The following SCN7A variants were observed in gnomAD, a reference collection of about 807,000 sequenced individuals.
SCN7A encodes the protein sodium channel protein type 7 subunit alpha.
SCN7A carries 138 observed loss-of-function variants against 155.2 expected under a neutral mutation model. The ratio of observed to expected loss-of-function variants is 0.89; its 90% CI spans 0.77 to 1.02. The LOEUF is 1.02. SCN7A is among the 50% of genes least tolerant of loss of function. The pLI is 0.00. For missense variants in SCN7A, 2,058 were observed against 1,986.6 expected (o/e 1.04, Z -0.68); for synonymous variants, 693 against 649.0 (o/e 1.07, Z -1.03).
intron 3 of SCN7A, among the ~76,000 whole-genome samples, chr2:166,475,495 T>C (rs13016836): frequency 0.13 from 19,332 of 151,508 alleles, 1,351 homozygotes; most frequent in Middle Eastern, 0.16. Context: ...TAATTCTTAA[T>C]AAAATAATAT....
At chr2:166,436,346 C>A in intron 15 of SCN7A, 1 of 409,706 alleles carries the variant, frequency 2.4e-6, no homozygotes, top group Non-Finnish European at 4.9e-6. Context: ...GCTTACCCCA[C>A]CTTCACTCTG....
intron 10 of SCN7A, among the ~76,000 whole-genome samples, chr2:166,459,343 CT>C (rs1702352390): frequency 6.6e-6 from 1 of 151,934 alleles, no homozygotes; most frequent in African/African-American, 2.4e-5. Context: ...ACTATGGCCC[CT>C]ATTTCAATGT....
At chr2:166,471,726 G>T (rs76198396) in intron 6 of SCN7A, among the ~76,000 whole-genome samples, 5 of 19,720 alleles carry the variant, frequency 2.5e-4, no homozygotes, top group Admixed American at 1.3e-3. Context: ...CAGAAAATGT[G>T]GGGGGGGGGG....
At chr2:166,452,546 C>A (rs1426264720) in intron 11 of SCN7A, among the ~76,000 whole-genome samples, 1 of 152,086 alleles carries the variant, frequency 6.6e-6, no homozygotes, top group African/African-American at 2.4e-5. Context: ...AATTGTCAAT[C>A]ATTTTTTAAT....
intron 7 of SCN7A, among the ~76,000 whole-genome samples, chr2:166,466,495 C>T (rs1702536709): frequency 6.6e-6 from 1 of 152,016 alleles, no homozygotes. Flanking sequence ...TATCAGAATA[C>T]TAATAGAGAA....
intron 18 of SCN7A, among the ~76,000 whole-genome samples, chr2:166,427,239 C>G (rs1292547341): frequency 6.6e-6 from 1 of 151,992 alleles, no homozygotes; most frequent in Non-Finnish European, 1.5e-5. Flanking sequence ...GCTATTATTA[C>G]AAAACATTCT....
intron 6 of SCN7A, 91 bp downstream of exon 6, chr2:166,472,226 G>A (rs1213794454): frequency 2.3e-6 from 3 of 1,317,482 alleles, no homozygotes; most frequent in Admixed American, 5.5e-5. Flanking sequence ...ACTATCTGCA[G>A]GCCAAAATCT....
At chr2:166,410,003 A>G (rs1701164880) in intron 24 of SCN7A, 68 bp from the exon 25 acceptor site, 1 of 1,366,612 alleles carries the variant, frequency 7.3e-7, no homozygotes, top group Non-Finnish European at 9.8e-7. Flanking sequence ...ATGGTCTTTT[A>G]TACACTACAA....
chr2:166,432,219 G>T, intron 16 of SCN7A, 99 bp downstream of exon 16: 1 of 842,918 alleles, frequency 1.2e-6, no homozygotes, highest in Non-Finnish European at 1.8e-6. Context: ...AGTTAGAATT[G>T]AGTGGATAAT....
rs1553513821 is a variant in SCN7A, at chr2:166,414,311, TAC to T, written c.3415-1192_3415-1191del. Among the ~76,000 whole-genome samples, 6 of 78,868 alleles carry T rather than the reference TAC, an allele frequency of 7.6e-5. No individual in the cohort carries two copies. In the East Asian group the frequency reaches 1.7e-3, roughly 23 times the overall value. The allele number at this position is 78,868 out of a possible 152,430, so 51.7% of individuals were successfully genotyped here. A position where few individuals can be genotyped will look rare whatever the true frequency, so the allele number is the denominator to read the frequency against. ...ACACACACATATATATATATATATA[TAC>T]ACATATATATATATATATGAAGGAA... On this transcript the variant is annotated intron_variant, in intron 21 of 25. Coordinates refer to ENST00000643258, the MANE Select transcript of SCN7A (RefSeq NM_002976.4).
At chr2:166,484,355 C>T (rs1035948941) in intron 2 of SCN7A, among the ~76,000 whole-genome samples, 1 of 151,558 alleles carries the variant, frequency 6.6e-6, no homozygotes, top group Admixed American at 6.6e-5. Flanking sequence ...TGTATGTGTA[C>T]ATGTTTTATA....
Position 166,477,545 on chromosome 2 carries a change from G to A in SCN7A, c.152C>T (p.Pro51Leu). ...TPDLEVGKKL[P>L]FIYGNLSQGM... ...TTGAGAAAGGTTTCCATAAATAAAT[G>A]GAAGCTTTTTGCCAACTTCCAAATC... The change falls in exon 3 of 26, where the codon CCA (proline) becomes CTA (leucine). Residue 51 changes from proline to leucine, a missense_variant. Physicochemically the swap from Pro to Leu is moderately conservative, Grantham distance 98 (BLOSUM62 -3). Transcript: ENST00000643258. 6.4e-7 allele frequency: 1 copy of A among 1,566,254 alleles called. No individual in the cohort carries two copies. The highest frequency in any genetic ancestry group is 1.2e-5 in the South Asian group (1 of 85,500).
chr2:166,449,752 C>T (rs1423528810), intron 11 of SCN7A, among the ~76,000 whole-genome samples: 1 of 152,040 alleles, frequency 6.6e-6, no homozygotes, highest in Non-Finnish European at 1.5e-5. Context: ...AAGAAATCAT[C>T]TCCCACCAGT....
At chr2:166,473,131 T>C (rs890934710) in intron 5 of SCN7A, among the ~76,000 whole-genome samples, 1 of 151,702 alleles carries the variant, frequency 6.6e-6, no homozygotes, top group African/African-American at 2.4e-5. Context: ...GACGCAAGTT[T>C]ACCTATGGAA....
intron 10 of SCN7A, among the ~76,000 whole-genome samples, chr2:166,461,222 A>T (rs1375865970): frequency 6.6e-6 from 1 of 152,096 alleles, no homozygotes; most frequent in Non-Finnish European, 1.5e-5. Context: ...CCCACAATTT[A>T]TCAAGTCAAC....
chr2:166,415,892 C>T (rs552169079), intron 21 of SCN7A, among the ~76,000 whole-genome samples: 39 of 152,068 alleles, frequency 2.6e-4, no homozygotes, highest in East Asian at 2.5e-3. Context: ...TGATTGCCTG[C>T]GGGGTTGGGC....
intron 7 of SCN7A, among the ~76,000 whole-genome samples, chr2:166,467,162 G>C (rs1233394522): frequency 6.6e-6 from 1 of 151,468 alleles, no homozygotes; most frequent in Non-Finnish European, 1.5e-5. Flanking sequence ...TGATACACAT[G>C]TTCACATAGT....
chr2:166,484,086 A>AT (rs1035898032), intron 2 of SCN7A, among the ~76,000 whole-genome samples: 19 of 152,012 alleles, frequency 1.2e-4, no homozygotes, highest in African/African-American at 4.1e-4. Flanking sequence ...TATCTTAATA[A>AT]TTTTTTTAAC....
At chr2:166,476,225 A>G (rs1702794404) in intron 3 of SCN7A, among the ~76,000 whole-genome samples, 2 of 151,944 alleles carry the variant, frequency 1.3e-5, no homozygotes, top group African/African-American at 4.8e-5. Context: ...TTTCTACTGT[A>G]AAATGTCAAT....
Sources: allele counts gnomAD v4.1 joint callset (sites outside exome capture counted in the v4.1 genomes callset), GRCh38; gene constraint gnomAD v4.1.1; transcripts MANE v1.5; gene names NCBI Gene and HGNC (gene_info 2026-07-23, HGNC 2026-07-21).